The following EHBP1 variants were observed in gnomAD, a reference collection of about 807,000 sequenced individuals.
The protein encoded by EHBP1 is EH domain-binding protein 1.
A neutral mutation model predicts 144.0 loss-of-function variants in EHBP1; 55 were observed. The observed-to-expected ratio is 0.38, with a 90% CI of 0.31 to 0.48. EHBP1 has a LOEUF of 0.48. Among genes scored for constraint, EHBP1 ranks in the 20% least tolerant of loss-of-function variants. The pLI, the probability that EHBP1 is intolerant of heterozygous loss-of-function variation, is 0.98. For synonymous variants in EHBP1, 469 were observed against 472.7 expected (o/e 0.99, Z 0.10); for missense variants, 1,200 against 1,364.2 (o/e 0.88, Z 1.90).
At chr2:62,770,661 A>G (rs2041591665) in intron 4 of EHBP1, among the ~76,000 whole-genome samples, 2 of 152,234 alleles carry the variant, frequency 1.3e-5, no homozygotes, top group Admixed American at 6.5e-5. Context: ...TACCGGGTAT[A>G]TACCCAGAGG....
chr2:62,835,723 G>A (rs1161851247), intron 7 of EHBP1, among the ~76,000 whole-genome samples: 4 of 152,200 alleles, frequency 2.6e-5, no homozygotes, highest in African/African-American at 9.7e-5. Flanking sequence ...GTCAAAGAAA[G>A]GGGTGACGGA....
chr2:62,851,085 T>C (rs1299820524), intron 7 of EHBP1, among the ~76,000 whole-genome samples: 1 of 152,238 alleles, frequency 6.6e-6, no homozygotes, highest in African/African-American at 2.4e-5. Context: ...AATTTATTCT[T>C]CAATTAACAA....
intron 14 of EHBP1, among the ~76,000 whole-genome samples, chr2:62,958,566 G>A (rs561014186): frequency 2.4e-4 from 36 of 152,334 alleles, no homozygotes; most frequent in African/African-American, 8.4e-4. Flanking sequence ...GGGATATCAT[G>A]AGCAAACTTT....
intron 19 of EHBP1, among the ~76,000 whole-genome samples, chr2:63,022,399 C>A (rs2060793272): frequency 6.6e-6 from 1 of 152,104 alleles, no homozygotes; most frequent in African/African-American, 2.4e-5. Context: ...ACTGCAACCT[C>A]CACCTCCCAG....
chr2:62,805,494 C>T (rs2152508141), intron 5 of EHBP1, among the ~76,000 whole-genome samples: 1 of 144,732 alleles, frequency 6.9e-6, no homozygotes. Flanking sequence ...TTACAGTGAA[C>T]CTGCATTACT....
At chr2:62,785,921 A>G (rs1461225500) in intron 5 of EHBP1, among the ~76,000 whole-genome samples, 1 of 151,822 alleles carries the variant, frequency 6.6e-6, no homozygotes, top group East Asian at 1.9e-4. Flanking sequence ...TTCCTCATCC[A>G]TCAGAGGTAG....
intron 10 of EHBP1, among the ~76,000 whole-genome samples, chr2:62,887,701 C>T (rs182289166): frequency 7.9e-5 from 12 of 152,210 alleles, no homozygotes; most frequent in Admixed American, 7.8e-4. Context: ...GCACTCCGGC[C>T]TTAGAGATGC....
In EHBP1 at chr2:63,033,407, T is replaced by G. The variant is rs542912094; in HGVS notation, c.3104-4128T>G. On this transcript the variant is annotated intron_variant, in intron 19 of 22. Coordinates refer to ENST00000431489, the MANE Select transcript of EHBP1 (RefSeq NM_001142616.3). Reference sequence around the variant, plus strand: ...GCTATGGCAAGATTTCAGCATTCTTTAATGATTTCATGGTAGAAAATCTTG... The same window carrying G: ...GCTATGGCAAGATTTCAGCATTCTTGAATGATTTCATGGTAGAAAATCTTG... Among the ~76,000 whole-genome samples the G allele has an allele frequency of 3.2e-3, 492 of 152,356 alleles. 2 individuals are homozygous for G. The highest frequency in any genetic ancestry group is 6.4e-3 in the Non-Finnish European group (432 of 68,018).
At chr2:62,822,087 A>G (rs554641352) in intron 5 of EHBP1, among the ~76,000 whole-genome samples, 14 of 152,090 alleles carry the variant, frequency 9.2e-5, no homozygotes, top group Non-Finnish European at 1.8e-4. Flanking sequence ...TTCTAACCAA[A>G]AGTTTTTTTT....
exon 1 of EHBP1, chr2:62,673,897 C>G (rs1042003574): frequency 2.5e-6 from 1 of 394,272 alleles, no homozygotes; most frequent in Non-Finnish European, 5.1e-6. Context: ...CTCTCCCTCC[C>G]CAAAGAGAGA....
At chr2:62,679,681 T>A (rs964944260) in intron 1 of EHBP1, among the ~76,000 whole-genome samples, 1 of 152,174 alleles carries the variant, frequency 6.6e-6, no homozygotes, top group African/African-American at 2.4e-5. Flanking sequence ...TAAGACAGAC[T>A]CTTAGTATAA....
Position 62,859,228 on chromosome 2 carries a change from T to G in EHBP1, c.694T>G (p.Ser232Ala). 6.2e-7 allele frequency: 1 copy of G among 1,612,436 alleles called. No individual in the cohort carries two copies. Among genetic ancestry groups the G allele is most frequent in the Non-Finnish European group, 8.5e-7 (1 of 1,178,924 alleles). The change falls in exon 8 of 23, where the codon TCA (serine) becomes GCA (alanine). Residue 232 changes from serine (S) to alanine (A), a missense_variant. Ser to Ala is a moderately conservative substitution (Grantham distance 99). Coordinates refer to ENST00000431489, the MANE Select transcript of EHBP1 (RefSeq NM_001142616.3). ...EAEKDLATVN[S>A]NPFDDPDAAE... ...AGAAAAGGACTTGGCCACCGTGAAT[T>G]CAAATCCATTTGATGATCCTGATGC...
Position 62,759,777 on chromosome 2 carries a change from A to G in EHBP1, c.163-4489A>G, listed in dbSNP as rs545787143. 2.0e-5 allele frequency among the ~76,000 whole-genome samples: 3 copies of G among 152,270 alleles called. No individual in the cohort carries two copies. The South Asian group carries it at 6.2e-4, about 31-fold the overall frequency. On this transcript the variant is annotated intron_variant, in intron 3 of 22. Transcript: ENST00000431489. ...TCTCTGTGGGTTAGTACAATTAGAT[A>G]TTTATTACCATAACTCTTTCTAGTT...
chr2:63,026,759 C>A (rs2061001366), intron 19 of EHBP1, among the ~76,000 whole-genome samples: 1 of 152,160 alleles, frequency 6.6e-6, no homozygotes, highest in Non-Finnish European at 1.5e-5. Context: ...ATATACCAAC[C>A]TATAATTCAA....
At chr2:62,762,934 G>A (rs1329905642) in intron 3 of EHBP1, among the ~76,000 whole-genome samples, 2 of 151,996 alleles carry the variant, frequency 1.3e-5, no homozygotes, top group Non-Finnish European at 1.5e-5. Context: ...ACCTACCAGG[G>A]CCTTATATGA....
chr2:63,012,678 G>A (rs746815745), intron 19 of EHBP1, among the ~76,000 whole-genome samples: 1 of 152,156 alleles, frequency 6.6e-6, no homozygotes, highest in African/African-American at 2.4e-5. Context: ...GGATACTGGA[G>A]ATGAGAGGAA....
chr2:62,891,145 C>A (rs2052429045), intron 10 of EHBP1, among the ~76,000 whole-genome samples: 1 of 149,398 alleles, frequency 6.7e-6, no homozygotes, highest in Non-Finnish European at 1.5e-5. Flanking sequence ...CCATTGCACT[C>A]CAGCCTGGGC....
rs1418803569 is a variant in EHBP1 at position 63,045,111 on chromosome 2, T to C, written c.3323T>C (p.Leu1108Pro). Residue 1108 changes from leucine to proline, a missense_variant, in exon 22 of 23, where the codon CTA becomes CCA. Transcript: ENST00000431489. The surrounding 1 kb of genome is among the most constrained non-coding windows in gnomAD (Gnocchi z 5.7). ...EAQKRREQLLLDELVALVNKR... is the reference protein window; with the variant it reads ...EAQKRREQLLPDELVALVNKR... The stretch of plus-strand genomic sequence containing the variant: ...CAGAAGCGACGCGAACAGCTTCTGC[T>C]AGATGAGCTGGTGGCCCTGGTGAAC... 1 of 1,592,310 alleles carries C rather than the reference T, an allele frequency of 6.3e-7. No individual in the cohort carries two copies. Among genetic ancestry groups the C allele is most frequent in the Non-Finnish European group, 8.6e-7 (1 of 1,169,048 alleles).
chr2:62,993,769 A>G (rs1006136445), intron 17 of EHBP1, 101 bp downstream of exon 17: 4 of 805,008 alleles, frequency 5.0e-6, no homozygotes, highest in Non-Finnish European at 6.9e-6. Context: ...GCATATATAT[A>G]TAGTATATAT....
Sources: gnomAD v4.1 joint callset for allele counts (sites outside exome capture counted in the v4.1 genomes callset) on GRCh38, gnomAD v4.1.1 for gene constraint, Gnocchi (gnomAD v3.1) non-coding constraint, MANE v1.5 for transcripts, NCBI Gene and HGNC (gene_info 2026-07-23, HGNC 2026-07-21) for gene names.